Variants in DLGAP2 observed in about 807,000 individuals in gnomAD.
The protein encoded by DLGAP2 is DLG associated protein 2, also known as disks large-associated protein 2.
In DLGAP2, 26 loss-of-function variants were observed where a neutral mutation model predicts 100.3. The ratio of observed to expected loss-of-function variants is 0.26; its 90% CI spans 0.19 to 0.36. The LOEUF (loss-of-function observed/expected upper bound fraction) is 0.36, where lower values mean the gene tolerates loss of function less well. Among genes scored for constraint, DLGAP2 ranks in the 10% least tolerant of loss-of-function variants. The pLI is 1.00. For synonymous variants in DLGAP2, 886 were observed against 630.1 expected (o/e 1.41, Z -6.08); for missense variants, 1,858 against 1,453.2 (o/e 1.28, Z -4.53).
At chr8:1,127,752 G>A (rs1353126474) in intron 2 of DLGAP2, among the ~76,000 whole-genome samples, 1 of 152,196 alleles carries the variant, frequency 6.6e-6, no homozygotes, top group Non-Finnish European at 1.5e-5. Context: ...AGGCCCAGAG[G>A]AGGACGGTTA....
At chr8:1,481,479 T>TTTC (rs1799094372) in intron 3 of DLGAP2, among the ~76,000 whole-genome samples, 1 of 124,600 alleles carries the variant, frequency 8.0e-6, no homozygotes, top group Admixed American at 7.9e-5. Flanking sequence ...TTCTTTTTTT[T>TTTC]TTTTTTTTTT....
chr8:1,566,635 T>A (rs1669564114), intron 6 of DLGAP2, among the ~76,000 whole-genome samples: 1 of 152,220 alleles, frequency 6.6e-6, no homozygotes, highest in Admixed American at 6.5e-5. Flanking sequence ...CTTCTCAGCC[T>A]TGGCCAGTGC....
chr8:771,704 G>A (rs758733919), intron 1 of DLGAP2, among the ~76,000 whole-genome samples: 7 of 152,218 alleles, frequency 4.6e-5, no homozygotes, highest in African/African-American at 1.4e-4. Context: ...CTGCCCCACT[G>A]TTAGGTGAAA....
chr8:1,705,887 G>A lies in DLGAP2; in HGVS notation c.*4481G>A, dbSNP rs1368752545. ...CCAAAACTTTAAAATAGAAAACCAC[G>A]AGCTTAAGAGGTGAAAAAGATGACC... is the stretch of plus-strand genomic sequence containing the variant. On this transcript the variant is annotated 3_prime_UTR_variant, in exon 15 of 15. Transcript: ENST00000637795. 1.3e-5 allele frequency: 2 copies of A among 152,152 alleles called. No homozygotes were observed. The highest frequency in any genetic ancestry group is 2.9e-5 in the Non-Finnish European group (2 of 68,032). The allele number at this position is 152,152 out of a possible 1,614,324, so 9.4% of individuals were successfully genotyped here.
At chr8:1,308,774 C>T (rs183466013) in intron 3 of DLGAP2, among the ~76,000 whole-genome samples, 256 of 152,352 alleles carry the variant, frequency 1.7e-3, no homozygotes, top group Non-Finnish European at 3.0e-3. Flanking sequence ...ATCTGCCCGC[C>T]TCAGCCTCCC....
chr8:1,377,905 TG>T, intron 3 of DLGAP2: 2 of 152,450 alleles, frequency 1.3e-5, no homozygotes, highest in South Asian at 2.1e-4. Flanking sequence ...CTCGTCTGTC[TG>T]GGGGTGGCAG....
chr8:1,432,378 C>G (rs890607951), intron 3 of DLGAP2, among the ~76,000 whole-genome samples: 7 of 152,166 alleles, frequency 4.6e-5, no homozygotes, highest in Non-Finnish European at 8.8e-5. Context: ...GATGAAACAT[C>G]CACTTAACTG....
In DLGAP2 at chr8:1,549,136, G is replaced by A; in HGVS notation, c.683G>A (p.Arg228Gln). 1.3e-6 allele frequency: 2 copies of A among 1,591,232 alleles called. No individual in the cohort carries two copies. The highest frequency in any genetic ancestry group is 1.7e-6 in the Non-Finnish European group (2 of 1,170,778). ...AAEQRSESPG[R>Q]IRHLVHSVQK... The stretch of plus-strand genomic sequence containing the variant: ...GAGCAGCGCAGCGAGAGCCCCGGGC[G>A]GATCCGCCACCTGGTACACTCCGTG... The change falls in exon 5 of 15, where the codon CGG (arginine) becomes CAG (glutamine). Residue 228 changes from arginine to glutamine, a missense_variant. Arg to Gln is a conservative substitution (Grantham distance 43). Coordinates refer to ENST00000637795, the MANE Select transcript of DLGAP2 (RefSeq NM_001346810.2).
chr8:1,032,690 A>G (rs1395524790), intron 2 of DLGAP2: 1 of 152,272 alleles, frequency 6.6e-6, no homozygotes. Context: ...TCTTTATGTT[A>G]AGCATTTTGG....
chr8:1,360,785 C>T (rs1801965263), intron 3 of DLGAP2, among the ~76,000 whole-genome samples: 2 of 152,282 alleles, frequency 1.3e-5, no homozygotes, highest in South Asian at 2.1e-4. Flanking sequence ...TGTGGCCTGA[C>T]ACGGTTGCCC....
intron 3 of DLGAP2, among the ~76,000 whole-genome samples, chr8:1,417,693 G>GGGCATGGGGA: frequency 1.1e-5 from 1 of 93,098 alleles, no homozygotes; most frequent in Non-Finnish European, 2.2e-5. Context: ...GGGCACAGGG[G>GGGCATGGGGA]GCCCCACTCC....
intron 6 of DLGAP2, among the ~76,000 whole-genome samples, chr8:1,585,999 C>G (rs758548901): frequency 2.0e-5 from 3 of 152,224 alleles, no homozygotes; most frequent in Non-Finnish European, 4.4e-5. Flanking sequence ...GCACGCATTA[C>G]TGTACAATTT....
intron 3 of DLGAP2, among the ~76,000 whole-genome samples, chr8:1,306,463 TG>T (rs1800494510): frequency 6.6e-6 from 1 of 152,200 alleles, no homozygotes; most frequent in Admixed American, 6.5e-5. Context: ...AAGACATCTG[TG>T]TTCATGGATT....
chr8:1,006,175 C>T (rs944792560), intron 2 of DLGAP2, among the ~76,000 whole-genome samples: 5 of 152,080 alleles, frequency 3.3e-5, no homozygotes, highest in African/African-American at 4.8e-5. Context: ...GGCAACAGAG[C>T]GAGACACCAT....
chr8:1,159,367 G>A (rs183431932), intron 2 of DLGAP2, among the ~76,000 whole-genome samples: 38 of 152,282 alleles, frequency 2.5e-4, no homozygotes, highest in African/African-American at 8.7e-4. Context: ...TCAGGAAATC[G>A]TTTACTTTCA....
At chr8:794,758 G>T (rs1795990300) in intron 1 of DLGAP2, among the ~76,000 whole-genome samples, 1 of 152,130 alleles carries the variant, frequency 6.6e-6, no homozygotes, top group South Asian at 2.1e-4. Context: ...CCAGATTTTT[G>T]GGGGCCTGCT....
chr8:1,094,047 T>A (rs1804285150), intron 2 of DLGAP2, among the ~76,000 whole-genome samples: 1 of 150,620 alleles, frequency 6.6e-6, no homozygotes, highest in Non-Finnish European at 1.5e-5. Context: ...GGAGGGCAGC[T>A]CCGCGGTGGA....
At chr8:959,385 C>T (rs537899300) in intron 2 of DLGAP2, among the ~76,000 whole-genome samples, 37 of 152,306 alleles carry the variant, frequency 2.4e-4, no homozygotes, top group Non-Finnish European at 5.0e-4. Flanking sequence ...CTCAGAGAAA[C>T]GGCCCTGTCC....
chr8:1,458,076 G>C (rs1178642432), intron 3 of DLGAP2, among the ~76,000 whole-genome samples: 1 of 139,538 alleles, frequency 7.2e-6, no homozygotes, highest in Non-Finnish European at 1.5e-5. Flanking sequence ...ATAATTTTTT[G>C]TATGTGTTTT....
Sources: allele counts gnomAD v4.1 joint callset (sites outside exome capture counted in the v4.1 genomes callset), GRCh38; gene constraint gnomAD v4.1.1; transcripts MANE v1.5; gene names NCBI Gene and HGNC (gene_info 2026-07-23, HGNC 2026-07-21).